KIF4B: variants seen among roughly 807,000 people sequenced by gnomAD.
KIF4B encodes the protein kinesin family member 4B, also known as chromosome-associated kinesin KIF4B.
Under a neutral mutation model 69.0 loss-of-function variants are expected in KIF4B, and 60 were observed. The ratio of observed to expected loss-of-function variants is 0.87; its 90% CI spans 0.71 to 1.08. The LOEUF (loss-of-function observed/expected upper bound fraction) is 1.08. Among genes scored for constraint, KIF4B ranks in the 50% least tolerant of loss-of-function variants. KIF4B has a pLI of 0.00. For synonymous variants in KIF4B, 489 were observed against 533.0 expected, an observed-to-expected ratio of 0.92 and a Z score of 1.14; for missense variants, 1,357 against 1,451.9, an observed-to-expected ratio of 0.93 and a Z score of 1.06.
Position 155,016,793 on chromosome 5 carries a change from G to A in KIF4B, c.2934G>A (p.Glu978=), listed in dbSNP as rs761236744. The change falls in exon 1 of 1, where the codon GAG becomes GAA. Residue 978 remains glutamate, a synonymous_variant. Transcript: ENST00000435029. ...TTGAGAAGATGCGAGAAGTGTGTGA[G>A]CAAAATCAGCAGCTTCTCCAAGAGA... ...EELEKMREVC[E]QNQQLLQENE... 1.2e-6 allele frequency: 2 copies of A among 1,614,176 alleles called. No individual in the cohort carries two copies. Among genetic ancestry groups the A allele is most frequent in the Non-Finnish European group, 8.5e-7 (1 of 1,180,040 alleles).
rs762665247 is a variant in KIF4B at position 155,016,662 on chromosome 5, G to A, written c.2803G>A (p.Val935Ile). The A allele has an allele frequency of 6.2e-7, 1 of 1,614,244 alleles. No individual in the cohort carries two copies. The highest frequency in any genetic ancestry group is 2.2e-5 in the East Asian group (1 of 44,882). Residue 935 changes from valine to isoleucine, a missense_variant, in exon 1 of 1, where the codon GTC becomes ATC. Coordinates refer to ENST00000435029, the MANE Select transcript of KIF4B (RefSeq NM_001099293.3). Reference sequence around the variant, plus strand: ...GCACCAAGAGAAGGTGCTATACCTTGTCAGCCAGCTGCAGGAAAGCCAAAT... The same window carrying A: ...GCACCAAGAGAAGGTGCTATACCTTATCAGCCAGCTGCAGGAAAGCCAAAT... Reference protein sequence around the residue: ...QQHQEKVLYLVSQLQESQMAE... With the variant: ...QQHQEKVLYLISQLQESQMAE...
chr5:155,017,095 A>C lies in KIF4B; in HGVS notation c.3236A>C (p.Lys1079Thr), dbSNP rs746611503. 1.2e-6 allele frequency: 2 copies of C among 1,614,112 alleles called. No individual in the cohort carries two copies. Among genetic ancestry groups the C allele is most frequent in the East Asian group, 2.2e-5 (1 of 44,878 alleles). ...GAATGGAAGCCAACAAAATTAGTCA[A>C]GGTGTCCAGGAAGAACATCCAAGGG... Reference protein sequence around the residue: ...DEEWKPTKLVKVSRKNIQGCS... With the variant: ...DEEWKPTKLVTVSRKNIQGCS... The change falls in exon 1 of 1, where the codon AAG (lysine) becomes ACG (threonine). Residue 1079 changes from lysine (K) to threonine (T), a missense_variant. Coordinates refer to ENST00000435029, the MANE Select transcript of KIF4B (RefSeq NM_001099293.3).
Position 155,016,845 on chromosome 5 carries a change from C to G in KIF4B, c.2986C>G (p.Leu996Val), listed in dbSNP as rs1334582899. The change falls in exon 1 of 1, where the codon CTC (leucine) becomes GTC (valine). Residue 996 changes from leucine to valine, a missense_variant. Coordinates refer to ENST00000435029, the MANE Select transcript of KIF4B (RefSeq NM_001099293.3). ...TGAAATCATCAAGCAGAAACTGATC[C>G]TCCTCCAGGTAGCCAGCAGACAGAA... ...ENEIIKQKLI[L>V]LQVASRQKHL... 1.9e-6 allele frequency: 3 copies of G among 1,614,054 alleles called. No homozygotes were observed. The highest frequency in any genetic ancestry group is 2.5e-6 in the Non-Finnish European group (3 of 1,180,048).
At position 155,015,515 on chromosome 5, in the gene KIF4B, C is replaced by T. The variant is rs1175723414; in HGVS notation, c.1656C>T (p.Pro552=). The change falls in exon 1 of 1, where the codon CCC becomes CCT. Residue 552 remains proline (P), a synonymous_variant. Coordinates refer to ENST00000435029, the MANE Select transcript of KIF4B (RefSeq NM_001099293.3). Reference sequence around the variant, plus strand: ...CTCAGAACGACAACCAACTACAGCCCATTCAGTTTCAATACCAGGATAACA... The same window carrying T: ...CTCAGAACGACAACCAACTACAGCCTATTCAGTTTCAATACCAGGATAACA... ...KMTQNDNQLQ[P]IQFQYQDNIK... The T allele has an allele frequency of 4.3e-6, 7 of 1,614,032 alleles. No homozygotes were observed. Among genetic ancestry groups the T allele is most frequent in the East Asian group, 2.2e-5 (1 of 44,884 alleles).
rs371522101 is a variant in KIF4B at position 155,015,528 on chromosome 5, T to A, written c.1669T>A (p.Tyr557Asn). The change falls in exon 1 of 1, where the codon TAC (tyrosine) becomes AAC (asparagine). Residue 557 changes from tyrosine (Y) to asparagine (N), a missense_variant. Coordinates refer to ENST00000435029, the MANE Select transcript of KIF4B (RefSeq NM_001099293.3). ...DNQLQPIQFQ[Y>N]QDNIKNLELE... ...CCAACTACAGCCCATTCAGTTTCAA[T>A]ACCAGGATAACATAAAAAATCTAGA... The A allele has an allele frequency of 1.9e-6, 3 of 1,614,042 alleles. No homozygotes were observed. The highest frequency in any genetic ancestry group is 2.5e-6 in the Non-Finnish European group (3 of 1,180,040).
Position 155,013,817 on chromosome 5 carries a change from C to A in KIF4B, c.-43C>A, listed in dbSNP as rs754020935. ...AGGGCGGCGGGAGACCCCGGGTGAA[C>A]GGGGAAGGGACATTTAGTTTGAGAC... is the stretch of plus-strand genomic sequence containing the variant. On this transcript the variant is annotated 5_prime_UTR_variant, in exon 1 of 1. Transcript: ENST00000435029. The A allele has an allele frequency of 2.9e-5, 47 of 1,604,142 alleles. No individual in the cohort carries two copies. In the Middle Eastern group the frequency reaches 1.6e-3, roughly 54 times the overall value.
chr5:155,017,232 G>A lies in KIF4B; in HGVS notation c.3373G>A (p.Gly1125Ser), dbSNP rs1182804476. The change falls in exon 1 of 1, where the codon GGC (glycine) becomes AGC (serine). Residue 1125 changes from glycine to serine, a missense_variant. Coordinates refer to ENST00000435029, the MANE Select transcript of KIF4B (RefSeq NM_001099293.3). ...DPTKCRNRQQ[G>S]KDSLGTVEQT... The stretch of plus-strand genomic sequence containing the variant: ...CACAAAGTGTCGGAACCGCCAGCAA[G>A]GCAAGGATAGCTTGGGCACTGTTGA... The A allele has an allele frequency of 6.2e-7, 1 of 1,614,080 alleles. No homozygotes were observed. Among genetic ancestry groups the A allele is most frequent in the Non-Finnish European group, 8.5e-7 (1 of 1,180,054 alleles).
In KIF4B at chr5:155,016,938, C is replaced by T. The variant is rs776962379; in HGVS notation, c.3079C>T (p.Pro1027Ser). The T allele has an allele frequency of 2.5e-6, 4 of 1,614,186 alleles. No individual in the cohort carries two copies. In the South Asian group the frequency reaches 3.3e-5, roughly 13 times the overall value. Residue 1027 changes from proline to serine, a missense_variant, in exon 1 of 1, where the codon CCT becomes TCT. Transcript: ENST00000435029. ...TGAATATATCCCACCTAAGCCAAAA[C>T]CTTCTCGTGTTAAAGAAAAGTTTCT... ...SFEYIPPKPK[P>S]SRVKEKFLEQ...
rs200812701 is a variant in KIF4B at position 155,015,331 on chromosome 5, C to T, written c.1472C>T (p.Ala491Val). The change falls in exon 1 of 1, where the codon GCG becomes GTG. Residue 491 changes from alanine (A) to valine (V), a missense_variant. Ala to Val is a moderately conservative substitution (Grantham distance 64, BLOSUM62 0). Transcript: ENST00000435029. ...TGCACGGCTGCAGCCATTGATACTG[C>T]GGTAGAAGAAGAAGCTCAAGTGGAA... ...VACTAAAIDT[A>V]VEEEAQVETS... 18 of 1,614,142 alleles carry T rather than the reference C, an allele frequency of 1.1e-5. No homozygotes were observed. The highest frequency in any genetic ancestry group is 5.3e-5 in the African/African-American group (4 of 75,026).
chr5:155,015,541 T>TA lies in KIF4B; in HGVS notation c.1688dup (p.Asn563LysfsTer19), dbSNP rs958721452. 16 of 1,613,792 alleles carry TA rather than the reference T, an allele frequency of 9.9e-6. No individual in the cohort carries two copies. The highest frequency in any genetic ancestry group is 2.2e-5 in the East Asian group (1 of 44,874). ...ATTCAGTTTCAATACCAGGATAACA[T>TA]AAAAAATCTAGAATTAGAAGTCATC... is the stretch of plus-strand genomic sequence containing the variant. On this transcript the variant is annotated frameshift_variant, in exon 1 of 1. Transcript: ENST00000435029. LOFTEE classifies it high-confidence loss of function.
rs557606097 is a variant in KIF4B at position 155,015,152 on chromosome 5, C to G, written c.1293C>G (p.Asn431Lys). The stretch of plus-strand genomic sequence containing the variant: ...CAGAGCAAGTGAATGAAAAACTGAA[C>G]GCCAAGCTAGAAGAGCTCAGGCAGC... ...ILTEQVNEKL[N>K]AKLEELRQHV... Residue 431 changes from asparagine to lysine, a missense_variant, in exon 1 of 1, where the codon AAC becomes AAG. Coordinates refer to ENST00000435029, the MANE Select transcript of KIF4B (RefSeq NM_001099293.3). 1 of 1,614,196 alleles carries G rather than the reference C, an allele frequency of 6.2e-7. No homozygotes were observed. Among genetic ancestry groups the G allele is most frequent in the East Asian group, 2.2e-5 (1 of 44,886 alleles).
At position 155,015,107 on chromosome 5, in the gene KIF4B, G is replaced by T. The variant is rs1473347237; in HGVS notation, c.1248G>T (p.Met416Ile). ...LSKAAGQTAQ[M>I]LERIILTEQV... ...AGGCAGCTGGTCAGACAGCCCAGATGTTGGAGAGGATCATTTTGACAGAGC... is the reference window on the plus strand; with the variant it reads ...AGGCAGCTGGTCAGACAGCCCAGATTTTGGAGAGGATCATTTTGACAGAGC... Residue 416 changes from methionine (M) to isoleucine (I), a missense_variant, in exon 1 of 1, where the codon ATG becomes ATT. Met to Ile is a conservative substitution (Grantham distance 10). Transcript: ENST00000435029. The T allele has an allele frequency of 6.2e-7, 1 of 1,614,220 alleles. No individual in the cohort carries two copies. The highest frequency in any genetic ancestry group is 2.2e-5 in the East Asian group (1 of 44,884).
chr5:155,016,842 A>ATCC lies in KIF4B; in HGVS notation c.2990_2992dup (p.Leu997dup). On this transcript the variant is annotated inframe_insertion, in exon 1 of 1. Transcript: ENST00000435029. ...GAATGAAATCATCAAGCAGAAACTG[A>ATCC]TCCTCCTCCAGGTAGCCAGCAGACA... 6.2e-7 allele frequency: 1 copy of ATCC among 1,614,178 alleles called. No homozygotes were observed. The highest frequency in any genetic ancestry group is 1.1e-5 in the South Asian group (1 of 91,080).
chr5:155,016,681 G>A lies in KIF4B; in HGVS notation c.2822G>A (p.Ser941Asn). ...TACCTTGTCAGCCAGCTGCAGGAAA[G>A]CCAAATGGCAGAGAAGCAGTTAGAG... is the stretch of plus-strand genomic sequence containing the variant. ...VLYLVSQLQE[S>N]QMAEKQLEKS... Residue 941 changes from serine to asparagine, a missense_variant, in exon 1 of 1, where the codon AGC (serine) becomes AAC (asparagine). Transcript: ENST00000435029. 2 of 1,614,186 alleles carry A rather than the reference G, an allele frequency of 1.2e-6. No individual in the cohort carries two copies. The highest frequency in any genetic ancestry group is 1.7e-6 in the Non-Finnish European group (2 of 1,180,024).
In KIF4B at chr5:155,014,600, G is replaced by A. The variant is rs759252901; in HGVS notation, c.741G>A (p.Gln247=). Residue 247 remains glutamine (Q), a synonymous_variant, in exon 1 of 1, where the codon CAG becomes CAA. Transcript: ENST00000435029. The stretch of plus-strand genomic sequence containing the variant: ...TAGATCTCGCTGGATCAGAAAGACA[G>A]AAGAAAACCAAGGCTGAAGGGGATC... ...HLVDLAGSER[Q]KKTKAEGDRL... 10 of 1,607,142 alleles carry A rather than the reference G, an allele frequency of 6.2e-6. No individual in the cohort carries two copies. The highest frequency in any genetic ancestry group is 7.6e-6 in the Non-Finnish European group (9 of 1,177,286).
chr5:155,014,275 C>T lies in KIF4B; in HGVS notation c.416C>T (p.Ser139Phe). The change falls in exon 1 of 1, where the codon TCT (serine) becomes TTT (phenylalanine). Residue 139 changes from serine (S) to phenylalanine (F), a missense_variant. Coordinates refer to ENST00000435029, the MANE Select transcript of KIF4B (RefSeq NM_001099293.3). ...GACTTTGAATTTACTCTGAAAGTGTCTTACTTAGAGATTTACAATGAAGAA... is the reference window on the plus strand; with the variant it reads ...GACTTTGAATTTACTCTGAAAGTGTTTTACTTAGAGATTTACAATGAAGAA... ...KSDFEFTLKV[S>F]YLEIYNEEIL... 1 of 1,614,176 alleles carries T rather than the reference C, an allele frequency of 6.2e-7. No individual in the cohort carries two copies. The highest frequency in any genetic ancestry group is 8.5e-7 in the Non-Finnish European group (1 of 1,180,038).
rs774391773 is a variant in KIF4B at position 155,017,055 on chromosome 5, G to A, written c.3196G>A (p.Glu1066Lys). Residue 1066 changes from glutamate (E) to lysine (K), a missense_variant, in exon 1 of 1, where the codon GAG becomes AAG. Transcript: ENST00000435029. ...EDGDGDGDSD[E>K]GDDEEWKPTK... ...TGGTGATGGTGATGGCGACAGTGAT[G>A]AGGGGGATGATGAGGAATGGAAGCC... 5 of 1,614,104 alleles carry A rather than the reference G, an allele frequency of 3.1e-6. No homozygotes were observed. In the African/African-American group the frequency reaches 4.0e-5, roughly 13 times the overall value.
rs750681047 is a variant in KIF4B at position 155,015,613 on chromosome 5, C to G, written c.1754C>G (p.Ala585Gly). Residue 585 changes from alanine (A) to glycine (G), a missense_variant, in exon 1 of 1, where the codon GCA (alanine) becomes GGA (glycine). Transcript: ENST00000435029. ...KEELVRELQTAKKNVNQAKLS... is the reference protein window; with the variant it reads ...KEELVRELQTGKKNVNQAKLS... ...GAATTGGTTCGTGAACTTCAGACAG[C>G]AAAGAAGAATGTCAACCAAGCCAAG... 28 of 1,614,062 alleles carry G rather than the reference C, an allele frequency of 1.7e-5. No homozygotes were observed. The highest frequency in any genetic ancestry group is 1.9e-5 in the Non-Finnish European group (23 of 1,180,040).
Position 155,017,030 on chromosome 5 carries a change from T to C in KIF4B, c.3171T>C (p.Asp1057=). 6.2e-7 allele frequency: 1 copy of C among 1,614,124 alleles called. No individual in the cohort carries two copies. The highest frequency in any genetic ancestry group is 8.5e-7 in the Non-Finnish European group (1 of 1,180,028). ...CSEHSVNEHE[D]GDGDGDSDEG... The stretch of plus-strand genomic sequence containing the variant: ...AGCATTCTGTGAATGAGCATGAAGA[T>C]GGTGATGGTGATGGCGACAGTGATG... Residue 1057 remains aspartate (D), a synonymous_variant, in exon 1 of 1, where the codon GAT becomes GAC. Transcript: ENST00000435029.
Sources: gnomAD v4.1 joint callset for allele counts on GRCh38, gnomAD v4.1.1 for gene constraint, MANE v1.5 for transcripts, NCBI Gene and HGNC (gene_info 2026-07-23, HGNC 2026-07-21) for gene names.